Variants in GPR176 observed in about 807,000 individuals in gnomAD.
The protein encoded by GPR176 is G-protein coupled receptor 176.
GPR176 carries 26 observed loss-of-function variants against 35.4 expected under a neutral mutation model. That is an observed-to-expected ratio of 0.74 (90% CI 0.54 to 1.02). GPR176 has a LOEUF of 1.02. GPR176 is among the 50% of genes least tolerant of loss of function. The pLI, the probability that GPR176 is intolerant of heterozygous loss-of-function variation, is 0.00. For synonymous variants in GPR176, 278 were observed against 271.3 expected, an observed-to-expected ratio of 1.02 and a Z score of -0.24; for missense variants, 597 against 665.3, an observed-to-expected ratio of 0.90 and a Z score of 1.13.
Position 39,919,945 on chromosome 15 carries a change from G to C in GPR176, c.82C>G (p.Arg28Gly). The C allele has an allele frequency of 6.6e-7, 1 of 1,508,094 alleles. No homozygotes were observed. Among genetic ancestry groups the C allele is most frequent in the Non-Finnish European group, 8.8e-7 (1 of 1,130,838 alleles). 93.4% of individuals were successfully genotyped at this position (1,508,094 alleles called of 1,614,324 possible). The change falls in exon 1 of 3, where the codon CGC becomes GGC. Residue 28 changes from arginine to glycine, a missense_variant. Around this residue, in one of 3 missense-constraint regions of GPR176, gnomAD observed 126 missense variants for 112.4 expected, o/e 1.12. Transcript: ENST00000561100. The stretch of plus-strand genomic sequence containing the variant: ...TCGCCGAACTCCCCGAGCGCGCTGC[G>C]GTTCACACCCGCAGCCTCGGCGCCG... The part of the protein sequence containing the change: ...ASGAEAAGVN[R>G]SALGEFGEAQ...
intron 1 of GPR176, among the ~76,000 whole-genome samples, chr15:39,836,081 T>G (rs1018036180): frequency 6.6e-6 from 1 of 152,056 alleles, no homozygotes; most frequent in Non-Finnish European, 1.5e-5. Flanking sequence ...GGCAACAGAG[T>G]GAGACCTGTC....
chr15:39,829,019 GT>G (rs573679500), intron 1 of GPR176: 194 of 711,844 alleles, frequency 2.7e-4, no homozygotes, highest in Non-Finnish European at 3.7e-4. Flanking sequence ...AACTCAATGA[GT>G]TAGGTACTAT....
At chr15:39,827,743 C>A (rs1284722829) in intron 1 of GPR176, among the ~76,000 whole-genome samples, 1 of 152,160 alleles carries the variant, frequency 6.6e-6, no homozygotes, top group Non-Finnish European at 1.5e-5. Flanking sequence ...TGGAAAAAAA[C>A]ACAATCACTT....
chr15:39,832,401 T>C (rs938225949), intron 1 of GPR176, among the ~76,000 whole-genome samples: 1 of 152,096 alleles, frequency 6.6e-6, no homozygotes, highest in Non-Finnish European at 1.5e-5. Flanking sequence ...AACTTGCTGA[T>C]TAAAACAACA....
At position 39,801,925 on chromosome 15, in the gene GPR176, ATGG is replaced by A; in HGVS notation, c.752_754del (p.Thr251del). 1.2e-6 allele frequency: 2 copies of A among 1,614,006 alleles called. No individual in the cohort carries two copies. Among genetic ancestry groups the A allele is most frequent in the Non-Finnish European group, 1.7e-6 (2 of 1,179,968 alleles). ...CCGCTGGGAGGCATAGGGAATAGAG[ATGG>A]TGTTCTGTGGGGTCCGGAGCGCTGC... On this transcript the variant is annotated inframe_deletion, in exon 3 of 3. Transcript: ENST00000561100.
At chr15:39,804,117 T>G (rs972281798) in intron 2 of GPR176, among the ~76,000 whole-genome samples, 1 of 152,192 alleles carries the variant, frequency 6.6e-6, no homozygotes, top group African/African-American at 2.4e-5. Flanking sequence ...CACTGACATG[T>G]AACAAACCCA....
chr15:39,832,654 A>AACACACACACACACACACACAC (rs112693906), intron 1 of GPR176, among the ~76,000 whole-genome samples: 4 of 145,234 alleles, frequency 2.8e-5, no homozygotes, highest in East Asian at 2.1e-4. Context: ...TGATGAGCTA[A>AACACACACACACACACACACAC]ACACACACAC....
intron 1 of GPR176, among the ~76,000 whole-genome samples, chr15:39,898,414 C>T (rs534903128): frequency 6.6e-6 from 1 of 152,228 alleles, no homozygotes; most frequent in African/African-American, 2.4e-5. Flanking sequence ...TTCAATTATT[C>T]TTGAATTATA....
At chr15:39,834,023 C>A (rs1468706302) in intron 1 of GPR176, among the ~76,000 whole-genome samples, 1 of 152,196 alleles carries the variant, frequency 6.6e-6, no homozygotes, top group Non-Finnish European at 1.5e-5. Context: ...CACATGTACA[C>A]ACAGAGAGAA....
At chr15:39,902,374 T>C (rs368524749) in intron 1 of GPR176, among the ~76,000 whole-genome samples, 1 of 152,116 alleles carries the variant, frequency 6.6e-6, no homozygotes, top group Non-Finnish European at 1.5e-5. Flanking sequence ...GATTTGACAC[T>C]CTTCAGGGAA....
intron 1 of GPR176, among the ~76,000 whole-genome samples, chr15:39,912,761 T>C (rs1030075071): frequency 6.6e-6 from 1 of 152,226 alleles, no homozygotes; most frequent in Non-Finnish European, 1.5e-5. Flanking sequence ...ACAAGAGACT[T>C]TGAGACTTGG....
intron 1 of GPR176, among the ~76,000 whole-genome samples, chr15:39,809,316 T>C (rs970453520): frequency 4.6e-5 from 7 of 152,194 alleles, no homozygotes; most frequent in Admixed American, 3.9e-4. Flanking sequence ...CTGAATTGGA[T>C]GAACATGTCA....
chr15:39,875,687 T>C (rs1414243914), intron 1 of GPR176, among the ~76,000 whole-genome samples: 1 of 152,204 alleles, frequency 6.6e-6, no homozygotes, highest in African/African-American at 2.4e-5. Context: ...GGGGTTTTAG[T>C]GCCGAGCCTC....
chr15:39,869,152 TAAAAAAAAAA>T (rs66463189), intron 1 of GPR176, among the ~76,000 whole-genome samples: 3 of 130,026 alleles, frequency 2.3e-5, no homozygotes, highest in African/African-American at 8.7e-5. Flanking sequence ...AACTGCTTTT[TAAAAAAAAAA>T]AAAAAAAAAA....
At chr15:39,866,292 G>A (rs773472583) in intron 1 of GPR176, among the ~76,000 whole-genome samples, 17 of 151,972 alleles carry the variant, frequency 1.1e-4, no homozygotes, top group African/African-American at 2.9e-4. Flanking sequence ...TATCCCTCTC[G>A]ATATACTTCT....
At chr15:39,826,563 A>G (rs760357435) in intron 1 of GPR176, among the ~76,000 whole-genome samples, 17 of 152,376 alleles carry the variant, frequency 1.1e-4, no homozygotes, top group Middle Eastern at 3.4e-3. Flanking sequence ...AGAGCTGGGC[A>G]AAGCCACAAT....
At chr15:39,853,891 C>A (rs553163348) in intron 1 of GPR176, among the ~76,000 whole-genome samples, 2 of 152,188 alleles carry the variant, frequency 1.3e-5, no homozygotes, top group Admixed American at 1.3e-4. Flanking sequence ...ATGCATAGCT[C>A]AGAGCCTTAA....
At chr15:39,905,181 G>T (rs562233915) in intron 1 of GPR176, among the ~76,000 whole-genome samples, 9 of 152,352 alleles carry the variant, frequency 5.9e-5, no homozygotes, top group Admixed American at 4.6e-4. Context: ...GTGGAGGAGA[G>T]AATTCTTTAT....
At chr15:39,901,366 G>C (rs1426383935) in intron 1 of GPR176, among the ~76,000 whole-genome samples, 1 of 152,158 alleles carries the variant, frequency 6.6e-6, no homozygotes, top group Non-Finnish European at 1.5e-5. Flanking sequence ...GTTTCTATAA[G>C]TCAGATTACG....
Sources: allele counts gnomAD v4.1 joint callset (sites outside exome capture counted in the v4.1 genomes callset), GRCh38; gene constraint gnomAD v4.1.1; regional missense constraint gnomAD v4.1.1; transcripts MANE v1.5; gene names NCBI Gene and HGNC (gene_info 2026-07-23, HGNC 2026-07-21).